NHS: variants seen among roughly 807,000 people sequenced by gnomAD.
NHS encodes actin remodeling regulator NHS.
In NHS, 5 loss-of-function variants were observed where a neutral mutation model predicts 72.5. The ratio of observed to expected loss-of-function variants is 0.07; its 90% CI spans 0.04 to 0.14. The LOEUF (loss-of-function observed/expected upper bound fraction) is 0.14. Ranked by LOEUF, NHS falls within the 10% of genes least tolerant of loss-of-function variation. The pLI, the probability that NHS is intolerant of heterozygous loss-of-function variation, is 1.00. For synonymous variants in NHS, 464 were observed against 547.7 expected, an observed-to-expected ratio of 0.85 and a Z score of 2.13; for missense variants, 1,072 against 1,355.7, an observed-to-expected ratio of 0.79 and a Z score of 3.29.
chrX:17,608,345 A>T (rs1262432213), intron 1 of NHS, among the ~76,000 whole-genome samples: 1 of 112,175 alleles, frequency 8.9e-6, no homozygotes, highest in Non-Finnish European at 1.9e-5. Flanking sequence ...GCAAAACTCC[A>T]AATCCAGTCT....
At chrX:17,564,331 A>G (rs148647091) in intron 1 of NHS, among the ~76,000 whole-genome samples, 1,132 of 111,899 alleles carry the variant, frequency 0.01, 35 homozygotes, top group Admixed American at 0.09. Context: ...TCTACCCACT[A>G]GATGCCAGTT....
At position 17,502,517 on chromosome X, in the gene NHS, C is replaced by T. The variant is rs1196409810; in HGVS notation, c.565+126195C>T. ...TTAAGAAGTCAGGGTTGGCCGGGCG[C>T]GGTGGCTCACGCCTGTAATCCCAGC... is the stretch of plus-strand genomic sequence containing the variant. On this transcript the variant is annotated intron_variant, in intron 1 of 8. Transcript: ENST00000676302. Among the ~76,000 whole-genome samples, 6 of 18,700 alleles carry T rather than the reference C, an allele frequency of 3.2e-4. 1 individual carries two copies. Among genetic ancestry groups the T allele is most frequent in the African/African-American group, 8.6e-4 (6 of 6,945 alleles). 16.2% of individuals were successfully genotyped at this position (18,700 alleles called of 115,157 possible).
chrX:17,689,949 C>T (rs1315938981), intron 2 of NHS, among the ~76,000 whole-genome samples: 1 of 112,253 alleles, frequency 8.9e-6, no homozygotes, highest in African/African-American at 3.2e-5. Context: ...CAGGTTTAGA[C>T]TTAAAGCAGA....
At chrX:17,437,772 T>G (rs181682735) in intron 1 of NHS, among the ~76,000 whole-genome samples, 1 of 111,954 alleles carries the variant, frequency 8.9e-6, no homozygotes, top group African/African-American at 3.3e-5. Flanking sequence ...AGGACTGTCA[T>G]GAGGATTCAA....
chrX:17,642,607 C>T (rs1004384104), intron 1 of NHS, among the ~76,000 whole-genome samples: 1 of 111,813 alleles, frequency 8.9e-6, no homozygotes, highest in Non-Finnish European at 1.9e-5. Context: ...GCAGACCCAA[C>T]CAAGTATCAA....
chrX:17,397,462 G>A lies in NHS; in HGVS notation c.565+21140G>A, dbSNP rs114798036. 4.0e-3 allele frequency among the ~76,000 whole-genome samples: 451 copies of A among 111,617 alleles called. 2 individuals are homozygous for A. Among genetic ancestry groups the A allele is most frequent in the African/African-American group, 0.014 (427 of 30,722 alleles). ...ATCTGCTGGGTTGTGGTTGGGGAGAGGCTGGCTGGCATTTTCAGGGAAAGA... is the reference window on the plus strand; with the variant it reads ...ATCTGCTGGGTTGTGGTTGGGGAGAAGCTGGCTGGCATTTTCAGGGAAAGA... On this transcript the variant is annotated intron_variant, in intron 1 of 8. Coordinates refer to ENST00000676302, the MANE Select transcript of NHS (RefSeq NM_001291867.2).
intron 1 of NHS, among the ~76,000 whole-genome samples, chrX:17,685,018 G>A (rs2066153742): frequency 8.9e-6 from 1 of 112,294 alleles, no homozygotes; most frequent in African/African-American, 3.2e-5. Flanking sequence ...AAGATGCAGG[G>A]CAGCCTTACA....
chrX:17,579,167 G>A, intron 1 of NHS, among the ~76,000 whole-genome samples: 1 of 112,109 alleles, frequency 8.9e-6, no homozygotes, highest in East Asian at 2.8e-4. Context: ...TTCTGGCCGG[G>A]AAGTCTTGCG....
chrX:17,604,500 C>A (rs2065669319), intron 1 of NHS, among the ~76,000 whole-genome samples: 1 of 111,953 alleles, frequency 8.9e-6, no homozygotes, highest in African/African-American at 3.2e-5. Flanking sequence ...AAAGTAACTT[C>A]CTGCAACAGC....
At chrX:17,415,193 G>A (rs1016098277) in intron 1 of NHS, among the ~76,000 whole-genome samples, 3 of 111,542 alleles carry the variant, frequency 2.7e-5, no homozygotes, top group African/African-American at 6.5e-5. Context: ...CCTGGGACAC[G>A]GTATAGCCCG....
intron 1 of NHS, among the ~76,000 whole-genome samples, chrX:17,508,302 AT>A (rs758454821): frequency 1.1e-4 from 12 of 110,453 alleles, no homozygotes; most frequent in African/African-American, 1.3e-4. Context: ...GACATTTCAT[AT>A]AACTGGAATC....
chrX:17,503,664 A>G (rs1025385891), intron 1 of NHS, among the ~76,000 whole-genome samples: 1 of 111,633 alleles, frequency 9.0e-6, no homozygotes, highest in Non-Finnish European at 1.9e-5. Context: ...CCATTTCTTT[A>G]TTTGTACAAT....
intron 1 of NHS, among the ~76,000 whole-genome samples, chrX:17,378,546 A>G (rs1467114194): frequency 8.9e-6 from 1 of 111,765 alleles, no homozygotes; most frequent in Non-Finnish European, 1.9e-5. Context: ...TAGGTTTCCT[A>G]GAATGCAGAG....
At chrX:17,466,367 A>G (rs2064870731) in intron 1 of NHS, among the ~76,000 whole-genome samples, 1 of 112,630 alleles carries the variant, frequency 8.9e-6, no homozygotes, top group Admixed American at 9.4e-5. Flanking sequence ...TTAGAATTAG[A>G]TAATGCAAGG....
At chrX:17,546,514 A>G (rs1405155536) in intron 1 of NHS, among the ~76,000 whole-genome samples, 1 of 112,498 alleles carries the variant, frequency 8.9e-6, no homozygotes, top group African/African-American at 3.2e-5. Flanking sequence ...TCACTCACCC[A>G]GAGAAACCTC....
intron 1 of NHS, among the ~76,000 whole-genome samples, chrX:17,518,877 C>G (rs1463491243): frequency 1.8e-5 from 2 of 111,888 alleles, no homozygotes; most frequent in Admixed American, 9.5e-5. Flanking sequence ...TTAAAAGCAC[C>G]AGCTTCCCAG....
chrX:17,455,317 C>T (rs944637326), intron 1 of NHS, among the ~76,000 whole-genome samples: 3 of 111,763 alleles, frequency 2.7e-5, no homozygotes, highest in Non-Finnish European at 5.6e-5. Flanking sequence ...TCCTCTTCCT[C>T]CTTCTCCTCC....
intron 1 of NHS, among the ~76,000 whole-genome samples, chrX:17,615,110 A>ACGTG (rs2065732737): frequency 1.0e-5 from 1 of 97,885 alleles, no homozygotes; most frequent in African/African-American, 3.7e-5. Flanking sequence ...ATATGTATAT[A>ACGTG]TATATATACA....
At chrX:17,608,468 G>A (rs750830895) in intron 1 of NHS, among the ~76,000 whole-genome samples, 2 of 111,885 alleles carry the variant, frequency 1.8e-5, no homozygotes, top group South Asian at 7.5e-4. Context: ...AGGCAAGTAG[G>A]AGGTAAGAGA....
Sources: allele counts gnomAD v4.1 joint callset (sites outside exome capture counted in the v4.1 genomes callset), GRCh38; gene constraint gnomAD v4.1.1; transcripts MANE v1.5; gene names NCBI Gene and HGNC (gene_info 2026-07-23, HGNC 2026-07-21).